MAPK10: variants seen among roughly 807,000 people sequenced by gnomAD.
The protein encoded by MAPK10 is mitogen-activated protein kinase 10.
MAPK10 carries 25 observed loss-of-function variants against 59.3 expected under a neutral mutation model. That is an observed-to-expected ratio of 0.42 (90% CI 0.31 to 0.59). The LOEUF (loss-of-function observed/expected upper bound fraction) is 0.59, where lower values mean the gene tolerates loss of function less well. Ranked by LOEUF, MAPK10 falls within the 20% of genes least tolerant of loss-of-function variation. The pLI is 0.15. For synonymous variants in MAPK10, 190 were observed against 200.5 expected (o/e 0.95, Z 0.44); for missense variants, 351 against 568.9 (o/e 0.62, Z 3.90).
intron 2 of MAPK10, among the ~76,000 whole-genome samples, chr4:86,295,237 C>T (rs2095329977): frequency 6.6e-6 from 1 of 152,120 alleles, no homozygotes; most frequent in Admixed American, 6.5e-5. Context: ...GGGCCCCACG[C>T]CCTCTGCCTG....
At chr4:86,423,296 T>C (rs1188617904) in intron 1 of MAPK10, among the ~76,000 whole-genome samples, 1 of 152,162 alleles carries the variant, frequency 6.6e-6, no homozygotes, top group Non-Finnish European at 1.5e-5. Context: ...CAAATTCCAA[T>C]GGCCTTCCCA....
intron 2 of MAPK10, among the ~76,000 whole-genome samples, chr4:86,204,194 A>C (rs1269222990): frequency 6.6e-6 from 1 of 152,010 alleles, no homozygotes; most frequent in Non-Finnish European, 1.5e-5. Flanking sequence ...CTAACTGACA[A>C]AGAACCAGAA....
At chr4:86,312,461 C>G (rs2095689738) in intron 2 of MAPK10, among the ~76,000 whole-genome samples, 1 of 152,024 alleles carries the variant, frequency 6.6e-6, no homozygotes, top group African/African-American at 2.4e-5. Flanking sequence ...ATTTCTGAAA[C>G]TTGCCGGACT....
chr4:86,228,730 T>C (rs992564766), intron 2 of MAPK10, among the ~76,000 whole-genome samples: 6 of 152,194 alleles, frequency 3.9e-5, no homozygotes, highest in African/African-American at 9.7e-5. Context: ...AAATATCTGA[T>C]CCATGTTTGT....
intron 4 of MAPK10, among the ~76,000 whole-genome samples, chr4:86,118,768 A>G (rs1318729648): frequency 2.0e-5 from 3 of 152,186 alleles, no homozygotes; most frequent in African/African-American, 4.8e-5. Context: ...TACATTTAAA[A>G]TGTTTGTAAT....
At chr4:86,020,847 T>A (rs1277276603) in intron 13 of MAPK10, 1 of 152,400 alleles carries the variant, frequency 6.6e-6, no homozygotes, top group South Asian at 2.1e-4. Context: ...GGACCCAGAG[T>A]GAGCAGTAGC....
At chr4:86,073,831 G>T in intron 9 of MAPK10, among the ~76,000 whole-genome samples, 4 of 105,888 alleles carry the variant, frequency 3.8e-5, no homozygotes, top group Admixed American at 9.1e-5. Context: ...GTCAATTTTG[G>T]AATAGGTGTG....
At chr4:86,464,044 C>A (rs1462204455) in intron 1 of MAPK10, among the ~76,000 whole-genome samples, 1 of 152,026 alleles carries the variant, frequency 6.6e-6, no homozygotes, top group Non-Finnish European at 1.5e-5. Flanking sequence ...AATGGGAGAA[C>A]TCAGATTGTT....
intron 11 of MAPK10, among the ~76,000 whole-genome samples, chr4:86,047,653 C>T (rs116704073): frequency 2.6e-5 from 4 of 152,224 alleles, no homozygotes; most frequent in South Asian, 4.1e-4. Context: ...TGTGTGTGCA[C>T]GCACGTGCAC....
chr4:86,107,537 C>T (rs1228186867), intron 4 of MAPK10, 185 bp from the exon 5 acceptor site: 1 of 1,222,510 alleles, frequency 8.2e-7, no homozygotes, highest in African/African-American at 1.6e-5. Context: ...ATTCTACATG[C>T]TAGGAGGATG....
At chr4:86,360,062 C>A (rs926082232), upstream of MAPK10, 5 of 985,666 alleles carry the variant, frequency 5.1e-6, no homozygotes, top group Non-Finnish European at 6.0e-6. Flanking sequence ...GTGGAACCTA[C>A]CAGAGGAGAC....
chr4:86,466,925 G>T (rs920886671), intron 1 of MAPK10, among the ~76,000 whole-genome samples: 1 of 152,178 alleles, frequency 6.6e-6, no homozygotes, highest in Non-Finnish European at 1.5e-5. Flanking sequence ...CCTCCTGTGG[G>T]TCTGTTGTCT....
In MAPK10 at chr4:86,211,588, C is replaced by T. The variant is rs111429724; in HGVS notation, c.-6-17181G>A. Among the ~76,000 whole-genome samples the T allele has an allele frequency of 4.6e-5, 7 of 151,908 alleles. No homozygotes were observed. The East Asian group carries it at 9.7e-4, about 21-fold the overall frequency. On this transcript the variant is annotated intron_variant, in intron 2 of 13. Transcript: ENST00000641462. ...GCAAGAAATGCTAAATAAAGTCATT[C>T]GGGTTAAAATGAAAGGACACTCAAA...
intron 1 of MAPK10, among the ~76,000 whole-genome samples, chr4:86,573,975 T>C (rs993998434): frequency 6.6e-6 from 1 of 152,172 alleles, no homozygotes; most frequent in African/African-American, 2.4e-5. Context: ...TACATATGTA[T>C]ACAGGTGCCA....
At chr4:86,544,676 A>G (rs1759001695) in intron 1 of MAPK10, among the ~76,000 whole-genome samples, 1 of 152,198 alleles carries the variant, frequency 6.6e-6, no homozygotes, top group Admixed American at 6.5e-5. Flanking sequence ...AGAAAATATC[A>G]TTTATATTTT....
At chr4:86,163,413 T>A (rs1451355164) in intron 3 of MAPK10, among the ~76,000 whole-genome samples, 1 of 152,136 alleles carries the variant, frequency 6.6e-6, no homozygotes, top group Non-Finnish European at 1.5e-5. Context: ...CATGAAAATA[T>A]TCCATCAAGC....
chr4:86,379,585 C>CT (rs1740378069), intron 1 of MAPK10, among the ~76,000 whole-genome samples: 1 of 152,160 alleles, frequency 6.6e-6, no homozygotes, highest in South Asian at 2.1e-4. Context: ...AGGAAAACCG[C>CT]TTAAAGGCAT....
At chr4:86,371,600 G>A (rs377655162) in intron 1 of MAPK10, among the ~76,000 whole-genome samples, 22 of 152,160 alleles carry the variant, frequency 1.4e-4, no homozygotes, top group East Asian at 9.6e-4. Context: ...CAAGATGGCC[G>A]AATAGGAACA....
In MAPK10 at chr4:86,298,187, G is replaced by A. The variant is rs577541096; in HGVS notation, c.-7+56343C>T. ...CCACAGCAATCCAGATTACCCAGCC[G>A]AATATTCATCACACTCTATTACAAT... is the stretch of plus-strand genomic sequence containing the variant. On this transcript the variant is annotated intron_variant, in intron 2 of 13. Coordinates refer to ENST00000641462, the MANE Select transcript of MAPK10 (RefSeq NM_138982.4). Among the ~76,000 whole-genome samples, 8 of 152,084 alleles carry A rather than the reference G, an allele frequency of 5.3e-5. No individual in the cohort carries two copies. In the South Asian group the frequency reaches 1.0e-3, roughly 20 times the overall value.
Sources: gnomAD v4.1 joint callset for allele counts (sites outside exome capture counted in the v4.1 genomes callset) on GRCh38, gnomAD v4.1.1 for gene constraint, MANE v1.5 for transcripts, NCBI Gene and HGNC (gene_info 2026-07-23, HGNC 2026-07-21) for gene names.